DMD: variants seen among roughly 807,000 people sequenced by gnomAD.
DMD encodes the protein mutant dystrophin.
In DMD, 63 loss-of-function variants were observed where a neutral mutation model predicts 330.1. The observed-to-expected ratio is 0.19, with a 90% CI of 0.16 to 0.24. The LOEUF (loss-of-function observed/expected upper bound fraction) is 0.24, where lower values mean the gene tolerates loss of function less well. Among genes scored for constraint, DMD ranks in the 10% least tolerant of loss-of-function variants. The pLI is 1.00. For synonymous variants in DMD, 1,223 were observed against 959.8 expected, an observed-to-expected ratio of 1.27 and a Z score of -5.07; for missense variants, 3,344 against 2,684.1, an observed-to-expected ratio of 1.25 and a Z score of -5.43.
At chrX:32,727,857 C>T (rs2067070653) in intron 7 of DMD, among the ~76,000 whole-genome samples, 1 of 110,628 alleles carries the variant, frequency 9.0e-6, no homozygotes, top group African/African-American at 3.3e-5. Context: ...AAATGTACCA[C>T]ACAAAACTCT....
chrX:33,166,238 C>A (rs555359381), intron 1 of DMD, among the ~76,000 whole-genome samples: 1 of 110,890 alleles, frequency 9.0e-6, no homozygotes, highest in South Asian at 3.8e-4. Context: ...ATATCATTAT[C>A]AATCATCGCT....
At chrX:32,241,834 C>G (rs1179014811) in intron 43 of DMD, among the ~76,000 whole-genome samples, 2 of 111,205 alleles carry the variant, frequency 1.8e-5, no homozygotes, top group African/African-American at 6.5e-5. Flanking sequence ...TTAGAAATCT[C>G]TAATCATTTT....
chrX:32,771,511 C>T (rs1316541125), intron 7 of DMD, among the ~76,000 whole-genome samples: 4 of 110,898 alleles, frequency 3.6e-5, no homozygotes, highest in African/African-American at 1.3e-4. Context: ...AATACACACA[C>T]ACACACACAC....
At chrX:31,713,309 T>G (rs775964646) in intron 52 of DMD, among the ~76,000 whole-genome samples, 5 of 112,108 alleles carry the variant, frequency 4.5e-5, no homozygotes, top group Non-Finnish European at 9.4e-5. Flanking sequence ...CATCTGAACC[T>G]ACTTTGTGCC....
At chrX:32,628,382 C>T (rs2058512073) in intron 11 of DMD, among the ~76,000 whole-genome samples, 1 of 97,182 alleles carries the variant, frequency 1.0e-5, no homozygotes, top group Non-Finnish European at 2.0e-5. Context: ...CCAGTTCCAT[C>T]CATGTTGTTG....
At chrX:31,633,043 G>A (rs1289845110) in intron 54 of DMD, among the ~76,000 whole-genome samples, 1 of 111,430 alleles carries the variant, frequency 9.0e-6, no homozygotes, top group East Asian at 2.8e-4. Context: ...ACTGGAGAAG[G>A]GTGGTGGCAA....
intron 23 of DMD, among the ~76,000 whole-genome samples, chrX:32,465,967 C>A (rs760064114): frequency 1.8e-5 from 2 of 111,521 alleles, no homozygotes; most frequent in South Asian, 7.6e-4. Flanking sequence ...AATTACTGAT[C>A]TACAGTGATG....
chrX:33,014,886 T>C (rs1465320842), intron 2 of DMD, among the ~76,000 whole-genome samples: 1 of 112,053 alleles, frequency 8.9e-6, no homozygotes, highest in Non-Finnish European at 1.9e-5. Context: ...GGCAAGAACA[T>C]ATAAGAAAAA....
chrX:33,185,963 T>C (rs779960961), intron 1 of DMD, among the ~76,000 whole-genome samples: 9 of 112,204 alleles, frequency 8.0e-5, no homozygotes, highest in African/African-American at 2.3e-4. Flanking sequence ...ATGCATTACA[T>C]TGAGAAACTC....
At chrX:32,731,840 T>C (rs1232970529) in intron 7 of DMD, among the ~76,000 whole-genome samples, 1 of 111,746 alleles carries the variant, frequency 8.9e-6, no homozygotes, top group Non-Finnish European at 1.9e-5. Context: ...CTGGAAACTC[T>C]AAAAAGCAGA....
intron 42 of DMD, among the ~76,000 whole-genome samples, chrX:32,308,325 C>T (rs2097548291): frequency 9.0e-6 from 1 of 111,452 alleles, no homozygotes; most frequent in Admixed American, 9.6e-5. Context: ...GCATATCTGT[C>T]AGGAATAAAA....
chrX:33,239,507 A>T (rs2052551973), intron 1 of DMD, among the ~76,000 whole-genome samples: 1 of 111,149 alleles, frequency 9.0e-6, no homozygotes, highest in East Asian at 2.8e-4. Context: ...TTTCAAAAAG[A>T]TTTTATAATG....
chrX:32,183,586 A>ATATATAAATATATATATATG (rs1557196749), intron 44 of DMD, among the ~76,000 whole-genome samples: 11 of 99,061 alleles, frequency 1.1e-4, no homozygotes, highest in Non-Finnish European at 1.8e-4. Flanking sequence ...ATATATATAT[A>ATATATAAATATATATATATG]TATGTATGTA....
intron 30 of DMD, among the ~76,000 whole-genome samples, chrX:32,397,687 A>G (rs1335639613): frequency 1.8e-5 from 2 of 111,450 alleles, no homozygotes; most frequent in Non-Finnish European, 3.8e-5. Context: ...AATCATTCAA[A>G]CATTAATCAC....
intron 7 of DMD, among the ~76,000 whole-genome samples, chrX:32,748,368 A>C (rs2070350720): frequency 9.1e-6 from 1 of 110,038 alleles, no homozygotes; most frequent in African/African-American, 3.3e-5. Flanking sequence ...AAGAAAAGAA[A>C]AGAAAAGAAA....
chrX:32,602,951 G>T (rs1013728834), intron 12 of DMD, among the ~76,000 whole-genome samples: 2 of 111,296 alleles, frequency 1.8e-5, no homozygotes, highest in Admixed American at 1.9e-4. Flanking sequence ...AAGTTACCTT[G>T]AACAACTCCT....
intron 62 of DMD, among the ~76,000 whole-genome samples, chrX:31,321,603 A>AAAAAAAAAAG (rs2056429128): frequency 1.3e-5 from 1 of 77,033 alleles, no homozygotes; most frequent in Non-Finnish European, 2.3e-5. Flanking sequence ...AAAAAAAAAA[A>AAAAAAAAAAG]AAAAAAAGAA....
intron 13 of DMD, among the ~76,000 whole-genome samples, chrX:32,585,674 T>G (rs1601902774): frequency 1.4e-5 from 1 of 69,436 alleles, no homozygotes; most frequent in African/African-American, 5.7e-5. Context: ...CACTCCAGCC[T>G]GGGTGACAGA....
At chrX:33,185,748 T>C (rs763053050) in intron 1 of DMD, among the ~76,000 whole-genome samples, 1 of 111,941 alleles carries the variant, frequency 8.9e-6, no homozygotes, top group Non-Finnish European at 1.9e-5. Flanking sequence ...TCTACTTCTG[T>C]TAATGTTACC....
Sources: allele counts gnomAD v4.1 joint callset (sites outside exome capture counted in the v4.1 genomes callset), GRCh38; gene constraint gnomAD v4.1.1; transcripts MANE v1.5; gene names NCBI Gene and HGNC (gene_info 2026-07-23, HGNC 2026-07-21).